PNPLA8: variants seen among roughly 807,000 people sequenced by gnomAD.
PNPLA8 encodes the protein patatin like domain 8, phospholipase A2, also known as calcium-independent phospholipase A2-gamma.
In PNPLA8, 39 loss-of-function variants were observed where a neutral mutation model predicts 76.9. The observed-to-expected ratio is 0.51, with a 90% CI of 0.39 to 0.66. The LOEUF (loss-of-function observed/expected upper bound fraction) is 0.66. Ranked by LOEUF, PNPLA8 falls within the 30% of genes least tolerant of loss-of-function variation. The pLI is 0.00. For missense variants in PNPLA8, 887 were observed against 918.0 expected, an observed-to-expected ratio of 0.97 and a Z score of 0.44; for synonymous variants, 301 against 307.9, an observed-to-expected ratio of 0.98 and a Z score of 0.24.
intron 8 of PNPLA8, among the ~76,000 whole-genome samples, chr7:108,488,479 C>T (rs1860910650): frequency 6.6e-6 from 1 of 152,102 alleles, no homozygotes; most frequent in Non-Finnish European, 1.5e-5. Context: ...GAGGCTGAGG[C>T]AGGAGAATTG....
At chr7:108,501,716 T>C (rs1033427078) in intron 5 of PNPLA8, among the ~76,000 whole-genome samples, 1 of 152,006 alleles carries the variant, frequency 6.6e-6, no homozygotes, top group African/African-American at 2.4e-5. Context: ...CCCAGCTGCT[T>C]CGGAGACTGA....
At chr7:108,520,754 G>T (rs932477179) in intron 2 of PNPLA8, among the ~76,000 whole-genome samples, 55 of 151,856 alleles carry the variant, frequency 3.6e-4, no homozygotes, top group Non-Finnish European at 4.4e-5. Flanking sequence ...TGCTCAACTT[G>T]AAGAATACTG....
chr7:108,487,831 C>T lies in PNPLA8; in HGVS notation c.1806G>A (p.Trp602Ter). ...HYLGGCQYKM[W>*]QAIRASSAAP... ...CAGCAGATGAGGCTCTAATGGCCTG[C>T]CACATTTTATACTGACAGCCTCCCA... Residue 602 changes from tryptophan (W) to a stop codon, truncating the protein, a stop_gained, in exon 9 of 11, where the codon TGG (tryptophan) becomes TGA (stop). Coordinates refer to ENST00000257694, the MANE Select transcript of PNPLA8 (RefSeq NM_001256007.3). LOFTEE classifies it high-confidence loss of function. 1 of 1,613,354 alleles carries T rather than the reference C, an allele frequency of 6.2e-7. No homozygotes were observed. The highest frequency in any genetic ancestry group is 2.2e-5 in the East Asian group (1 of 44,842).
intron 7 of PNPLA8, 121 bp from the exon 8 acceptor site, chr7:108,491,588 C>G (rs555654011): frequency 3.8e-5 from 26 of 675,388 alleles, no homozygotes; most frequent in South Asian, 1.4e-4. Flanking sequence ...TGAAGGAAAA[C>G]ATGTAAGACT....
Position 108,472,391 on chromosome 7 carries a change from C to A in PNPLA8, c.*10G>T. The A allele has an allele frequency of 6.5e-7, 1 of 1,531,968 alleles. No homozygotes were observed. Among genetic ancestry groups the A allele is most frequent in the South Asian group, 1.2e-5 (1 of 80,156 alleles). The allele number at this position is 1,531,968 out of a possible 1,614,324, so 94.9% of individuals were successfully genotyped here. A position where few individuals can be genotyped will look rare whatever the true frequency, so the allele number is the denominator to read the frequency against. The stretch of plus-strand genomic sequence containing the variant: ...AGACCTTCATTTATGAGAACATAAG[C>A]ATATACTCATCACAATTTTGAAAAG... On this transcript the variant is annotated 3_prime_UTR_variant, in exon 11 of 11. Coordinates refer to ENST00000257694, the MANE Select transcript of PNPLA8 (RefSeq NM_001256007.3).
chr7:108,473,681 T>C (rs1177443230), intron 10 of PNPLA8, among the ~76,000 whole-genome samples: 2 of 152,218 alleles, frequency 1.3e-5, no homozygotes, highest in African/African-American at 2.4e-5. Flanking sequence ...TAGTCATTTG[T>C]ATATCTTCTT....
intron 5 of PNPLA8, among the ~76,000 whole-genome samples, chr7:108,501,790 C>T: frequency 6.6e-6 from 1 of 152,066 alleles, no homozygotes; most frequent in East Asian, 2.0e-4. Context: ...CACCACTGCA[C>T]TCCAGCCTGG....
intron 10 of PNPLA8, among the ~76,000 whole-genome samples, chr7:108,477,432 T>C (rs1057025684): frequency 8.5e-5 from 13 of 152,238 alleles, no homozygotes; most frequent in African/African-American, 3.1e-4. Context: ...CTTATGTTAA[T>C]GACTTGGCCA....
At chr7:108,483,345 C>T (rs952463048) in intron 9 of PNPLA8, among the ~76,000 whole-genome samples, 6 of 152,160 alleles carry the variant, frequency 3.9e-5, no homozygotes, top group Non-Finnish European at 5.9e-5. Flanking sequence ...GCTGTGTTGA[C>T]GTTCAGAAAA....
intron 4 of PNPLA8, among the ~76,000 whole-genome samples, chr7:108,505,326 ATATATATATATATATATATATATATATT>A (rs1862290220): frequency 9.3e-4 from 5 of 5,372 alleles, no homozygotes; most frequent in African/African-American, 1.8e-3. Flanking sequence ...ATATATATAT[ATATATATATATATATATATATATATATT>A]TTTTTTTTTT....
intron 1 of PNPLA8, among the ~76,000 whole-genome samples, chr7:108,523,344 A>T (rs768583550): frequency 1.3e-5 from 2 of 152,224 alleles, no homozygotes; most frequent in Non-Finnish European, 2.9e-5. Context: ...CATCGAGCAG[A>T]CCATCCAGAG....
At chr7:108,523,326 C>G (rs1227729996) in intron 1 of PNPLA8, among the ~76,000 whole-genome samples, 1 of 152,180 alleles carries the variant, frequency 6.6e-6, no homozygotes, top group South Asian at 2.1e-4. Context: ...CAAAGATCAC[C>G]TGGTGGCCAT....
At chr7:108,491,538 T>G (rs778378557) in intron 7 of PNPLA8, 71 bp from the exon 8 acceptor site, 2 of 935,544 alleles carry the variant, frequency 2.1e-6, no homozygotes, top group Non-Finnish European at 3.5e-6. Context: ...AAACATACAG[T>G]ATGCAATTAC....
At chr7:108,494,790 T>C (rs1861439771) in intron 7 of PNPLA8, among the ~76,000 whole-genome samples, 2 of 152,302 alleles carry the variant, frequency 1.3e-5, no homozygotes, top group East Asian at 3.9e-4. Flanking sequence ...AGGAAAAGAT[T>C]TGGCTAAATG....
chr7:108,502,843 G>T (rs1047991031), intron 4 of PNPLA8: 3 of 373,258 alleles, frequency 8.0e-6, no homozygotes, highest in Non-Finnish European at 1.4e-5. Flanking sequence ...TAATATTGAG[G>T]ACAAAAATTA....
chr7:108,519,896 C>G (rs770954889), intron 2 of PNPLA8, among the ~76,000 whole-genome samples: 3 of 152,168 alleles, frequency 2.0e-5, no homozygotes, highest in Non-Finnish European at 4.4e-5. Context: ...GACACTTTCA[C>G]AAGATAAAGT....
At chr7:108,476,942 T>TG (rs1554676989) in intron 10 of PNPLA8, among the ~76,000 whole-genome samples, 9 of 151,796 alleles carry the variant, frequency 5.9e-5, no homozygotes, top group Non-Finnish European at 1.3e-4. Flanking sequence ...ATAGTTGAAC[T>TG]AAAAAAAACA....
At position 108,502,532 on chromosome 7, in the gene PNPLA8, C is replaced by T. The variant is rs1217145359; in HGVS notation, c.1317G>A (p.Gly439=). Residue 439 remains glycine (G), a synonymous_variant, in exon 5 of 11, where the codon GGG becomes GGA. Transcript: ENST00000257694. ...CAATTGAGAGAATTCGGATTCCTCT[C>T]CCTTTCACTGGATCCACATAGCCAA... is the stretch of plus-strand genomic sequence containing the variant. ...ALIGYVDPVK[G]RGIRILSIDG... is the part of the protein sequence containing the mutation. 13 of 1,612,268 alleles carry T rather than the reference C, an allele frequency of 8.1e-6. No homozygotes were observed. The highest frequency in any genetic ancestry group is 1.6e-4 in the Middle Eastern group (1 of 6,070).
chr7:108,526,008 T>G (rs1405325079), intron 1 of PNPLA8, 21 bp downstream of exon 1: 1 of 974,022 alleles, frequency 1.0e-6, no homozygotes, highest in African/African-American at 1.8e-5. Flanking sequence ...GTCCCGCCCC[T>G]GTCCCCTCGC....
Sources: allele counts gnomAD v4.1 joint callset (sites outside exome capture counted in the v4.1 genomes callset), GRCh38; gene constraint gnomAD v4.1.1; transcripts MANE v1.5; gene names NCBI Gene and HGNC (gene_info 2026-07-23, HGNC 2026-07-21).